The following LRMDA variants were observed in gnomAD, a reference collection of about 807,000 sequenced individuals.
LRMDA encodes the protein leucine rich melanocyte differentiation associated.
LRMDA carries 18 observed loss-of-function variants against 29.8 expected under a neutral mutation model. The observed-to-expected ratio is 0.60, with a 90% CI of 0.42 to 0.90. LRMDA has a LOEUF of 0.90. Among genes scored for constraint, LRMDA ranks in the 40% least tolerant of loss-of-function variants. The probability of loss-of-function intolerance (pLI) is 0.00; values close to 1 mark genes in which losing one functional copy is unlikely to be tolerated. For missense variants in LRMDA, 273 were observed against 273.9 expected (o/e 1.00, Z 0.02); for synonymous variants, 125 against 109.4 (o/e 1.14, Z -0.89).
chr10:75,795,774 G>A (rs978905953), intron 2 of LRMDA, among the ~76,000 whole-genome samples: 1 of 152,090 alleles, frequency 6.6e-6, no homozygotes, highest in African/African-American at 2.4e-5. Context: ...GAACCACCCT[G>A]TCAATTAAAA....
At chr10:76,179,201 C>T (rs1850995663) in intron 5 of LRMDA, among the ~76,000 whole-genome samples, 1 of 152,130 alleles carries the variant, frequency 6.6e-6, no homozygotes, top group Non-Finnish European at 1.5e-5. Flanking sequence ...TTTCTGCAAC[C>T]TTCCATTGCA....
chr10:76,026,421 T>C (rs1386214562), intron 2 of LRMDA, among the ~76,000 whole-genome samples: 2 of 152,158 alleles, frequency 1.3e-5, no homozygotes, highest in East Asian at 3.9e-4. Context: ...TTCTGTGAAG[T>C]AGGGGGAGAG....
rs2132076819 is a variant in LRMDA, at chr10:75,580,830, A to G, written c.131+142336A>G. Among the ~76,000 whole-genome samples the G allele has an allele frequency of 3.3e-5, 5 of 152,346 alleles. No homozygotes were observed. The South Asian group carries it at 1.0e-3, about 32-fold the overall frequency. ...TCAAGAAATGGGGAAAGGATTCCCT[A>G]TTTAATAAATGGTGCTGGGAAAACT... On this transcript the variant is annotated intron_variant, in intron 2 of 6. Transcript: ENST00000611255.
At chr10:75,947,695 C>T (rs900308920) in intron 2 of LRMDA, among the ~76,000 whole-genome samples, 3 of 152,160 alleles carry the variant, frequency 2.0e-5, no homozygotes, top group African/African-American at 7.2e-5. Flanking sequence ...TTAAGTGGCA[C>T]GATATGCAAA....
chr10:76,045,000 T>TGCTAGTTTC (rs1564637823), intron 3 of LRMDA, among the ~76,000 whole-genome samples: 51 of 149,224 alleles, frequency 3.4e-4, no homozygotes, highest in African/African-American at 1.2e-3. Flanking sequence ...TGCTAGTTTT[T>TGCTAGTTTC]CCCCTCTCTT....
At chr10:76,328,213 C>T (rs569539419) in intron 6 of LRMDA, among the ~76,000 whole-genome samples, 8 of 152,184 alleles carry the variant, frequency 5.3e-5, no homozygotes, top group East Asian at 3.9e-4. Context: ...TTATGAGGAG[C>T]GCTAAAATAT....
At chr10:75,524,426 AATTTAGGGTCTTGGTGATG>A (rs1333174808) in intron 2 of LRMDA, among the ~76,000 whole-genome samples, 1 of 152,086 alleles carries the variant, frequency 6.6e-6, no homozygotes, top group Admixed American at 6.5e-5. Context: ...ATAAACCTGT[AATTTAGGGTCTTGGTGATG>A]ATTTAGGGTC....
chr10:75,630,724 A>G (rs920675914), intron 2 of LRMDA, among the ~76,000 whole-genome samples: 2 of 152,232 alleles, frequency 1.3e-5, no homozygotes, highest in African/African-American at 2.4e-5. Context: ...ATAGCATTCA[A>G]AAGACATTTA....
intron 2 of LRMDA, among the ~76,000 whole-genome samples, chr10:75,961,834 G>A (rs980812521): frequency 1.2e-4 from 18 of 152,172 alleles, no homozygotes; most frequent in Non-Finnish European, 2.1e-4. Context: ...CTAGAAGCCC[G>A]AATTCAAGAT....
chr10:75,919,171 G>C (rs1212844375), intron 2 of LRMDA, among the ~76,000 whole-genome samples: 1 of 152,182 alleles, frequency 6.6e-6, no homozygotes, highest in Non-Finnish European at 1.5e-5. Flanking sequence ...ACAAAGCCGG[G>C]ATGCGAAGCT....
intron 2 of LRMDA, among the ~76,000 whole-genome samples, chr10:75,975,061 C>G (rs2132442891): frequency 6.6e-6 from 1 of 152,338 alleles, no homozygotes; most frequent in African/African-American, 2.4e-5. Flanking sequence ...TAAATAAAAA[C>G]TACTGGTAAC....
intron 2 of LRMDA, among the ~76,000 whole-genome samples, chr10:75,604,182 C>T (rs954574541): frequency 2.0e-5 from 3 of 151,992 alleles, no homozygotes; most frequent in Non-Finnish European, 4.4e-5. Context: ...TAAGATCAAG[C>T]CCATTTCCAA....
chr10:76,005,800 G>T (rs577095797), intron 2 of LRMDA, among the ~76,000 whole-genome samples: 1 of 151,906 alleles, frequency 6.6e-6, no homozygotes, highest in South Asian at 2.1e-4. Context: ...CTTGGTGGCG[G>T]GCGCCTGTAG....
intron 6 of LRMDA, among the ~76,000 whole-genome samples, chr10:76,354,893 C>T (rs116498791): frequency 1.0e-3 from 156 of 152,190 alleles, no homozygotes; most frequent in African/African-American, 3.6e-3. Context: ...ATTGTGCTGT[C>T]GAACATGATG....
intron 5 of LRMDA, among the ~76,000 whole-genome samples, chr10:76,230,520 A>G (rs1041726755): frequency 2.0e-5 from 3 of 151,388 alleles, no homozygotes; most frequent in Non-Finnish European, 4.4e-5. Context: ...AATTAAAACA[A>G]CTAGCATGAT....
At chr10:75,937,091 C>T (rs1846308999) in intron 2 of LRMDA, among the ~76,000 whole-genome samples, 1 of 152,204 alleles carries the variant, frequency 6.6e-6, no homozygotes. Context: ...CCCTAAAATA[C>T]GTATATTGTG....
chr10:75,704,759 G>C (rs533702885), intron 2 of LRMDA, among the ~76,000 whole-genome samples: 7 of 152,190 alleles, frequency 4.6e-5, no homozygotes, highest in Non-Finnish European at 1.0e-4. Flanking sequence ...AGCCAGGTGG[G>C]TCCAGGTCTC....
At chr10:75,763,444 T>TGG (rs1843122144) in intron 2 of LRMDA, among the ~76,000 whole-genome samples, 1 of 152,156 alleles carries the variant, frequency 6.6e-6, no homozygotes, top group Non-Finnish European at 1.5e-5. Context: ...ATTGATGGTT[T>TGG]GGGTTCTTTG....
At chr10:75,431,849 T>C in intron 1 of LRMDA, 95 bp downstream of exon 1, 2 of 1,170,370 alleles carry the variant, frequency 1.7e-6, no homozygotes, top group Non-Finnish European at 2.2e-6. Flanking sequence ...GACACCCCTG[T>C]CCCCGCCTCA....
Sources: allele counts gnomAD v4.1 joint callset (sites outside exome capture counted in the v4.1 genomes callset), GRCh38; gene constraint gnomAD v4.1.1; transcripts MANE v1.5; gene names NCBI Gene and HGNC (gene_info 2026-07-23, HGNC 2026-07-21).